CCDC144A: variants seen among roughly 807,000 people sequenced by gnomAD.
The protein encoded by CCDC144A is coiled-coil domain containing 144A.
Under a neutral mutation model 143.8 loss-of-function variants are expected in CCDC144A, and 41 were observed. That is an observed-to-expected ratio of 0.29 (90% CI 0.22 to 0.37). The LOEUF is 0.37. Ranked by LOEUF, CCDC144A falls within the 10% of genes least tolerant of loss-of-function variation. The pLI, the probability that CCDC144A is intolerant of heterozygous loss-of-function variation, is 1.00. For missense variants in CCDC144A, 637 were observed against 1,488.8 expected, an observed-to-expected ratio of 0.43 and a Z score of 9.41; for synonymous variants, 242 against 517.9, an observed-to-expected ratio of 0.47 and a Z score of 7.23.
chr17:16,754,919 T>C (rs1426708306), intron 12 of CCDC144A, among the ~76,000 whole-genome samples: 2 of 152,238 alleles, frequency 1.3e-5, no homozygotes, highest in Non-Finnish European at 2.9e-5. Context: ...GTATTGAGTA[T>C]ATATACCTTT....
At chr17:16,669,356 A>T in the CCDC144A span, among the ~76,000 whole-genome samples, 3 of 152,246 alleles carry the variant, frequency 2.0e-5, no homozygotes, top group African/African-American at 7.2e-5. Flanking sequence ...GTTTGTAGTC[A>T]GGCATTCAAC....
intron 12 of CCDC144A, among the ~76,000 whole-genome samples, chr17:16,737,162 C>CTTTTTTT (rs757856458): frequency 1.1e-4 from 11 of 102,672 alleles, no homozygotes; most frequent in South Asian, 3.7e-4. Flanking sequence ...AGAGTTAAAT[C>CTTTTTTT]TTTTTTTTTT....
intron 12 of CCDC144A, among the ~76,000 whole-genome samples, chr17:16,744,515 A>G (rs1914403153): frequency 6.6e-6 from 1 of 151,928 alleles, no homozygotes; most frequent in Admixed American, 6.6e-5. Flanking sequence ...TTTTTTGGAG[A>G]AGTGTCTGTT....
At chr17:16,686,524 G>A (rs1332869784), upstream of CCDC144A, among the ~76,000 whole-genome samples, 3 of 152,008 alleles carry the variant, frequency 2.0e-5, no homozygotes, top group Non-Finnish European at 4.4e-5. Context: ...TACACATGGT[G>A]GTCAGGTATG....
At chr17:16,695,943 A>T (rs949205743) in intron 2 of CCDC144A, among the ~76,000 whole-genome samples, 15 of 152,122 alleles carry the variant, frequency 9.9e-5, no homozygotes, top group African/African-American at 3.6e-4. Context: ...GTTTATGAGC[A>T]GTTCAGTTTT....
the CCDC144A span, among the ~76,000 whole-genome samples, chr17:16,682,202 GGTGTGTGTGTGTGTGT>G: frequency 2.5e-4 from 37 of 145,332 alleles, no homozygotes; most frequent in African/African-American, 9.1e-4. Context: ...TCTGAAAATG[GGTGTGTGTGTGTGTGT>G]GTGTGTGTGT....
intron 15 of CCDC144A, chr17:16,765,887 A>G (rs1182785501): frequency 3.3e-5 from 5 of 152,268 alleles, no homozygotes; most frequent in Admixed American, 3.3e-4. Context: ...TGGTTAAGCA[A>G]GATGCAAATA....
the CCDC144A span, among the ~76,000 whole-genome samples, chr17:16,672,903 A>G: frequency 3.3e-5 from 5 of 152,244 alleles, no homozygotes; most frequent in East Asian, 9.6e-4. Flanking sequence ...TGCTTTTGCA[A>G]TACAAAAAAT....
At chr17:16,683,521 C>A in the CCDC144A span, 4 of 1,530,346 alleles carry the variant, frequency 2.6e-6, no homozygotes, top group Non-Finnish European at 3.6e-6. Context: ...ATGTTCTATG[C>A]CGTGAGGAGG....
In CCDC144A at chr17:16,709,361, T is replaced by G. The variant is rs780456264; in HGVS notation, c.1304T>G (p.Val435Gly). The G allele has an allele frequency of 1.2e-6, 2 of 1,611,520 alleles. No individual in the cohort carries two copies. The highest frequency in any genetic ancestry group is 2.2e-5 in the South Asian group (2 of 90,974). The change falls in exon 5 of 17, where the codon GTG (valine) becomes GGG (glycine). Residue 435 changes from valine to glycine, a missense_variant. Physicochemically the swap from Val to Gly is moderately radical, Grantham distance 109. Coordinates refer to ENST00000399273, the MANE Select transcript of CCDC144A (RefSeq NM_001382000.1). ...ACTAAGAAAGCAAGGAACCCAGAAGTGGTTATGGTTGAAATGAAAGAAGAC... is the reference window on the plus strand; with the variant it reads ...ACTAAGAAAGCAAGGAACCCAGAAGGGGTTATGGTTGAAATGAAAGAAGAC... ...ASTKKARNPE[V>G]VMVEMKEDQE...
At chr17:16,769,794 T>A (rs1915752371) in intron 15 of CCDC144A, among the ~76,000 whole-genome samples, 1 of 151,862 alleles carries the variant, frequency 6.6e-6, no homozygotes, top group South Asian at 2.1e-4. Context: ...TTATAGAGCA[T>A]CATGACAGTT....
intron 8 of CCDC144A, among the ~76,000 whole-genome samples, chr17:16,725,643 G>C (rs910008194): frequency 6.6e-6 from 1 of 151,476 alleles, no homozygotes; most frequent in Non-Finnish European, 1.5e-5. Context: ...TGGGAGGGGG[G>C]TGAGGGACAA....
chr17:16,690,735 G>C lies in CCDC144A; in HGVS notation c.335G>C (p.Arg112Thr). ...PGDTGVDKRDRKKSIQQLVPE... is the reference protein window; with the variant it reads ...PGDTGVDKRDTKKSIQQLVPE... ...GACACTGGCGTGGACAAGAGGGATA[G>C]GAAGAAGAGGTAATGGCCAGGCGAA... The change falls in exon 1 of 17, where the codon AGG becomes ACG. Residue 112 changes from arginine (R) to threonine (T), a missense_variant. Arg to Thr is a moderately conservative substitution (Grantham distance 71). Coordinates refer to ENST00000399273, the MANE Select transcript of CCDC144A (RefSeq NM_001382000.1). The C allele has an allele frequency of 1.2e-6, 2 of 1,602,594 alleles. No individual in the cohort carries two copies. The highest frequency in any genetic ancestry group is 1.7e-6 in the Non-Finnish European group (2 of 1,171,220).
intron 6 of CCDC144A, among the ~76,000 whole-genome samples, chr17:16,715,308 G>T (rs1912681913): frequency 7.1e-6 from 1 of 141,256 alleles, no homozygotes. Context: ...TTGATTCTCA[G>T]GTAAAAAAAA....
In CCDC144A at chr17:16,761,652, G is replaced by A. The variant is rs369683294; in HGVS notation, c.3600G>A (p.Leu1200=). ...LERGKAEWHK[L]LIEERARKEI... is the part of the protein sequence containing the mutation. ...GTGGTAAAGCTGAATGGCATAAACTGTTGATTGAAGAAAGAGCAAGGAAGG... is the reference window on the plus strand; with the variant it reads ...GTGGTAAAGCTGAATGGCATAAACTATTGATTGAAGAAAGAGCAAGGAAGG... The change falls in exon 13 of 17, where the codon CTG becomes CTA. Residue 1200 remains leucine, a synonymous_variant. Coordinates refer to ENST00000399273, the MANE Select transcript of CCDC144A (RefSeq NM_001382000.1). The A allele has an allele frequency of 8.7e-6, 14 of 1,613,612 alleles. No individual in the cohort carries two copies. The South Asian group carries it at 1.4e-4, about 16-fold the overall frequency.
upstream of CCDC144A, among the ~76,000 whole-genome samples, chr17:16,687,699 A>G (rs1298617439): frequency 6.6e-6 from 1 of 152,146 alleles, no homozygotes; most frequent in Non-Finnish European, 1.5e-5. Context: ...AAATCCAGCA[A>G]TAGTTCTCAT....
At chr17:16,751,734 C>T (rs2656431) in intron 12 of CCDC144A, among the ~76,000 whole-genome samples, 4 of 152,314 alleles carry the variant, frequency 2.6e-5, no homozygotes, top group South Asian at 2.1e-4. Flanking sequence ...ATCTGCGGGT[C>T]GTCTGTTGAT....
At chr17:16,763,330 C>T (rs1187953719) in intron 14 of CCDC144A, among the ~76,000 whole-genome samples, 1 of 151,426 alleles carries the variant, frequency 6.6e-6, no homozygotes, top group African/African-American at 2.4e-5. Context: ...AATGATTCCT[C>T]AGTGCCAAAT....
chr17:16,748,519 TAC>T (rs1269233215), intron 12 of CCDC144A, among the ~76,000 whole-genome samples: 4 of 152,234 alleles, frequency 2.6e-5, no homozygotes, highest in Non-Finnish European at 2.9e-5. Flanking sequence ...CTTTGGTGTC[TAC>T]ATTCATTGGG....
Sources: gnomAD v4.1 joint callset for allele counts (sites outside exome capture counted in the v4.1 genomes callset) on GRCh38, gnomAD v4.1.1 for gene constraint, MANE v1.5 for transcripts, NCBI Gene and HGNC (gene_info 2026-07-23, HGNC 2026-07-21) for gene names.